Variants in ADGRV1 observed in about 807,000 individuals in gnomAD.
ADGRV1 encodes the protein adhesion G protein-coupled receptor V1.
Under a neutral mutation model 596.2 loss-of-function variants are expected in ADGRV1, and 359 were observed. The ratio of observed to expected loss-of-function variants is 0.60; its 90% CI spans 0.55 to 0.66. The LOEUF (loss-of-function observed/expected upper bound fraction) is 0.66. Ranked by LOEUF, ADGRV1 falls within the 30% of genes least tolerant of loss-of-function variation. The pLI is 0.00. For synonymous variants in ADGRV1, 2,681 were observed against 2,679.2 expected, an observed-to-expected ratio of 1.00 and a Z score of -0.02; for missense variants, 7,274 against 7,575.6, an observed-to-expected ratio of 0.96 and a Z score of 1.48.
chr5:90,681,502 A>T (rs980658731), intron 27 of ADGRV1, 48 bp downstream of exon 27: 16 of 1,563,464 alleles, frequency 1.0e-5, no homozygotes, highest in Non-Finnish European at 1.3e-5. Context: ...TGTTGTTTTA[A>T]AAACTGTACT....
intron 85 of ADGRV1, among the ~76,000 whole-genome samples, chr5:91,025,945 G>C (rs1476584324): frequency 2.6e-5 from 4 of 152,100 alleles, no homozygotes; most frequent in African/African-American, 9.7e-5. Context: ...TTATTGCTGA[G>C]ATAATAACCA....
chr5:91,014,249 C>T (rs1313293561), intron 85 of ADGRV1, among the ~76,000 whole-genome samples: 1 of 151,188 alleles, frequency 6.6e-6, no homozygotes, highest in Non-Finnish European at 1.5e-5. Context: ...GGTGGATTGG[C>T]TTTTTGATGT....
At position 90,644,083 on chromosome 5, in the gene ADGRV1, C is replaced by A; in HGVS notation, c.2734+100C>A. 7.0e-6 allele frequency: 6 copies of A among 860,962 alleles called. No individual in the cohort carries two copies. The South Asian group carries it at 1.4e-4, about 20-fold the overall frequency. 53.3% of individuals were successfully genotyped at this position (860,962 alleles called of 1,614,324 possible). A position where few individuals can be genotyped will look rare whatever the true frequency, so the allele number is the denominator to read the frequency against. On this transcript the variant is annotated intron_variant, in intron 14 of 89. Transcript: ENST00000405460. ...GTAACTAGTTATTTCTAGTTGCTCA[C>A]CCTGCCTTAGAAATTACACATAGTG...
At position 90,900,586 on chromosome 5, in the gene ADGRV1, A is replaced by G. The variant is rs1428946715; in HGVS notation, c.17856+36729A>G. Reference sequence around the variant, plus strand: ...ACAAAAACAGATTTCAAGTGCAAAAAAAAATTTCGAGATCTCTCAACAATG... The same window carrying G: ...ACAAAAACAGATTTCAAGTGCAAAAGAAAATTTCGAGATCTCTCAACAATG... On this transcript the variant is annotated intron_variant, in intron 83 of 89. Transcript: ENST00000405460. Among the ~76,000 whole-genome samples the G allele has an allele frequency of 2.0e-5, 3 of 152,172 alleles. No individual in the cohort carries two copies. In the East Asian group the frequency reaches 5.8e-4, roughly 29 times the overall value.
intron 86 of ADGRV1, among the ~76,000 whole-genome samples, chr5:91,085,018 A>C (rs1789737930): frequency 6.6e-6 from 1 of 152,170 alleles, no homozygotes; most frequent in Admixed American, 6.5e-5. Context: ...TTATAGGTGG[A>C]AGTTGAACAA....
At chr5:90,980,315 G>C (rs1406608850) in intron 84 of ADGRV1, among the ~76,000 whole-genome samples, 1 of 152,146 alleles carries the variant, frequency 6.6e-6, no homozygotes, top group Non-Finnish European at 1.5e-5. Flanking sequence ...GACAAATTTG[G>C]TGGTTTATAA....
At chr5:90,904,104 A>G (rs1165548913) in intron 83 of ADGRV1, among the ~76,000 whole-genome samples, 3 of 152,054 alleles carry the variant, frequency 2.0e-5, no homozygotes, top group Non-Finnish European at 4.4e-5. Flanking sequence ...CATTCTTTTT[A>G]TAGCTGAATA....
At chr5:90,723,380 G>A (rs1751342895) in intron 45 of ADGRV1, among the ~76,000 whole-genome samples, 5 of 152,122 alleles carry the variant, frequency 3.3e-5, no homozygotes, top group Admixed American at 3.3e-4. Context: ...TGGTATGGTT[G>A]TCTAGAAGAC....
rs772576653 is a variant in ADGRV1, at chr5:90,721,005, G to C, written c.9694G>C (p.Asp3232His). ...YLNVSRTNGI[D>H]LAVSVQWETV... ...AAATGTATCTCGAACTAATGGCATT[G>C]ATTTGGCTGTGAGTGTGCAGTGGGA... The change falls in exon 45 of 90, where the codon GAT (aspartate) becomes CAT (histidine). Residue 3232 changes from aspartate (D) to histidine (H), a missense_variant. By Grantham distance (81) the Asp-to-His change is moderately conservative (BLOSUM62 -1). Transcript: ENST00000405460. The C allele has an allele frequency of 1.2e-6, 2 of 1,612,798 alleles. No individual in the cohort carries two copies. The highest frequency in any genetic ancestry group is 1.1e-5 in the South Asian group (1 of 91,030).
intron 85 of ADGRV1, among the ~76,000 whole-genome samples, chr5:91,057,195 A>G (rs535019713): frequency 7.2e-5 from 11 of 152,344 alleles, no homozygotes; most frequent in Non-Finnish European, 1.5e-4. Flanking sequence ...ACCTTCCCAA[A>G]TGGGATGGAT....
At chr5:90,798,736 C>T (rs1396657386) in intron 70 of ADGRV1, among the ~76,000 whole-genome samples, 1 of 152,126 alleles carries the variant, frequency 6.6e-6, no homozygotes. Flanking sequence ...CCATGATCAA[C>T]TCGGCTTCAT....
intron 87 of ADGRV1, among the ~76,000 whole-genome samples, chr5:91,102,944 A>ATGGAATATATATGGAAT (rs1791521432): frequency 1.3e-5 from 2 of 152,224 alleles, no homozygotes; most frequent in African/African-American, 4.8e-5. Context: ...CCCTGATATT[A>ATGGAATATATATGGAAT]ACAAATGGAA....
At chr5:90,802,674 C>G (rs914757562) in intron 70 of ADGRV1, 65 bp from the exon 71 acceptor site, 1 of 1,465,444 alleles carries the variant, frequency 6.8e-7, no homozygotes, top group Non-Finnish European at 9.4e-7. Context: ...GCTAATGGCT[C>G]AAGTCAAAGA....
intron 1 of ADGRV1, among the ~76,000 whole-genome samples, chr5:90,576,438 T>C (rs1216446090): frequency 3.3e-5 from 5 of 152,292 alleles, no homozygotes; most frequent in African/African-American, 7.2e-5. Flanking sequence ...GCAAAGGACA[T>C]GAACTCATCC....
At chr5:91,025,059 C>T (rs1783915737) in intron 85 of ADGRV1, among the ~76,000 whole-genome samples, 2 of 152,110 alleles carry the variant, frequency 1.3e-5, no homozygotes, top group South Asian at 2.1e-4. Flanking sequence ...CTTCTCTGAC[C>T]AACACTGGCA....
At chr5:90,805,172 A>C (rs892157613) in intron 71 of ADGRV1, 112 bp from the exon 72 acceptor site, 2 of 654,904 alleles carry the variant, frequency 3.1e-6, no homozygotes, top group Admixed American at 7.1e-5. Flanking sequence ...ATTCAGTATG[A>C]GACAAGGATA....
chr5:90,897,262 T>A (rs1236630459), intron 83 of ADGRV1, among the ~76,000 whole-genome samples: 2 of 152,298 alleles, frequency 1.3e-5, no homozygotes, highest in African/African-American at 2.4e-5. Context: ...AAAAATAAAC[T>A]GTTGACAGAA....
At chr5:90,980,814 T>C (rs1780017923) in intron 84 of ADGRV1, among the ~76,000 whole-genome samples, 2 of 152,194 alleles carry the variant, frequency 1.3e-5, no homozygotes, top group Non-Finnish European at 2.9e-5. Context: ...TGTGCAAATA[T>C]AATGATCTGT....
At chr5:91,120,261 G>T (rs1793194563) in intron 87 of ADGRV1, among the ~76,000 whole-genome samples, 1 of 152,226 alleles carries the variant, frequency 6.6e-6, no homozygotes, top group African/African-American at 2.4e-5. Flanking sequence ...ACAGGAAGCA[G>T]ATCCAGTGTC....
Sources: allele counts gnomAD v4.1 joint callset (sites outside exome capture counted in the v4.1 genomes callset), GRCh38; gene constraint gnomAD v4.1.1; transcripts MANE v1.5; gene names NCBI Gene and HGNC (gene_info 2026-07-23, HGNC 2026-07-21).